CHP1: variants seen among roughly 807,000 people sequenced by gnomAD.
CHP1 encodes calcineurin like EF-hand protein 1.
CHP1 carries 11 observed loss-of-function variants against 27.4 expected under a neutral mutation model. That is an observed-to-expected ratio of 0.40 (90% CI 0.25 to 0.67). The LOEUF (loss-of-function observed/expected upper bound fraction) is 0.67. Among genes scored for constraint, CHP1 ranks in the 30% least tolerant of loss-of-function variants. The pLI is 0.38. For missense variants in CHP1, 169 were observed against 251.3 expected, an observed-to-expected ratio of 0.67 and a Z score of 2.22; for synonymous variants, 89 against 87.4, an observed-to-expected ratio of 1.02 and a Z score of -0.10.
intron 4 of CHP1, 44 bp from the exon 5 acceptor site, chr15:41,270,513 A>G (rs1476480501): frequency 1.4e-6 from 2 of 1,467,784 alleles, no homozygotes; most frequent in Non-Finnish European, 1.9e-6. Context: ...AGAAGGGGCA[A>G]CACACTACAG....
chr15:41,257,361 T>C (rs995954860), intron 3 of CHP1, among the ~76,000 whole-genome samples: 1 of 152,112 alleles, frequency 6.6e-6, no homozygotes. Context: ...TTGTTAACAT[T>C]TTGCCTCATT....
chr15:41,234,376 A>G (rs559564262), intron 1 of CHP1: 1 of 152,318 alleles, frequency 6.6e-6, no homozygotes, highest in East Asian at 1.9e-4. Context: ...CTTTTCTTCT[A>G]TGAAGAATTT....
chr15:41,239,497 A>G (rs765448165), intron 1 of CHP1, among the ~76,000 whole-genome samples: 56 of 152,068 alleles, frequency 3.7e-4, no homozygotes, highest in South Asian at 6.2e-4. Flanking sequence ...TCCATCTCCC[A>G]GGATCAAGCG....
intron 1 of CHP1, among the ~76,000 whole-genome samples, chr15:41,241,144 C>T (rs997571455): frequency 2.6e-5 from 4 of 152,202 alleles, no homozygotes; most frequent in Non-Finnish European, 4.4e-5. Flanking sequence ...AGCCACTGCG[C>T]CCAGCCTGAA....
At chr15:41,250,090 T>TAA (rs77882380) in intron 2 of CHP1, among the ~76,000 whole-genome samples, 16 of 127,278 alleles carry the variant, frequency 1.3e-4, no homozygotes, top group African/African-American at 4.0e-4. Context: ...GGTGTTATGT[T>TAA]AAAAAAAAAA....
intron 1 of CHP1, among the ~76,000 whole-genome samples, chr15:41,238,954 C>T (rs2047292332): frequency 6.6e-6 from 1 of 152,152 alleles, no homozygotes; most frequent in East Asian, 1.9e-4. Context: ...AGGTTTTGGG[C>T]ACCTATCTGA....
intron 3 of CHP1, among the ~76,000 whole-genome samples, chr15:41,262,311 C>A (rs1328946537): frequency 6.6e-6 from 1 of 151,960 alleles, no homozygotes; most frequent in African/African-American, 2.4e-5. Context: ...TTTAAAATAT[C>A]CCTTGGTATA....
At chr15:41,264,073 C>CTATG in intron 4 of CHP1, 1 of 602,670 alleles carries the variant, frequency 1.7e-6, no homozygotes, top group Non-Finnish European at 2.7e-6. Context: ...ACTCTGCCAT[C>CTATG]CTCATAGTCT....
chr15:41,261,035 C>A (rs2047430053), intron 3 of CHP1, among the ~76,000 whole-genome samples: 1 of 152,046 alleles, frequency 6.6e-6, no homozygotes, highest in Non-Finnish European at 1.5e-5. Flanking sequence ...TAAGCGTGAG[C>A]CACCATGCCT....
intron 4 of CHP1, chr15:41,264,285 G>C (rs997330913): frequency 2.0e-5 from 20 of 1,017,378 alleles, no homozygotes; most frequent in Non-Finnish European, 2.2e-5. Context: ...AGGAGAGTGC[G>C]AGTGCCGAGG....
intron 2 of CHP1, among the ~76,000 whole-genome samples, chr15:41,251,521 G>A (rs2140930538): frequency 6.6e-6 from 1 of 152,296 alleles, no homozygotes; most frequent in South Asian, 2.1e-4. Context: ...TAGGAACCGG[G>A]CTACACAGCA....
Position 41,256,662 on chromosome 15 carries a change from TA to T in CHP1, c.141-246del. 4 of 504,850 alleles carry T rather than the reference TA, an allele frequency of 7.9e-6. No homozygotes were observed. The East Asian group carries it at 1.5e-4, about 19-fold the overall frequency. 31.3% of individuals were successfully genotyped at this position (504,850 alleles called of 1,614,324 possible). ...TTGTCCATCAGTTGGCTTATTGACGTAACCTGTGTGCTAAATTCACTGGAAT... is the reference window on the plus strand; with the variant it reads ...TTGTCCATCAGTTGGCTTATTGACGTACCTGTGTGCTAAATTCACTGGAAT... On this transcript the variant is annotated intron_variant, in intron 2 of 6. Transcript: ENST00000334660.
intron 5 of CHP1, among the ~76,000 whole-genome samples, chr15:41,275,957 C>T (rs370095413): frequency 1.3e-5 from 2 of 151,996 alleles, no homozygotes; most frequent in African/African-American, 4.8e-5. Flanking sequence ...AAGTAAATTA[C>T]AGGCCGGGCG....
At chr15:41,276,509 G>C (rs1175461878) in intron 5 of CHP1, among the ~76,000 whole-genome samples, 1 of 152,170 alleles carries the variant, frequency 6.6e-6, no homozygotes, top group African/African-American at 2.4e-5. Flanking sequence ...GTTTAAGGAA[G>C]CAATTTTCAA....
chr15:41,232,895 A>G (rs911198944), intron 1 of CHP1, among the ~76,000 whole-genome samples: 6 of 152,150 alleles, frequency 3.9e-5, no homozygotes, highest in East Asian at 1.9e-4. Context: ...TGGAGTTTTC[A>G]AGTTGGAAGG....
chr15:41,263,271 T>TA (rs1567009697), intron 4 of CHP1, among the ~76,000 whole-genome samples: 1 of 152,208 alleles, frequency 6.6e-6, no homozygotes, highest in Non-Finnish European at 1.5e-5. Flanking sequence ...GGCACTGTGT[T>TA]AAGTGCTAGC....
intron 3 of CHP1, among the ~76,000 whole-genome samples, chr15:41,259,088 G>A (rs2047418077): frequency 6.6e-6 from 1 of 152,142 alleles, no homozygotes; most frequent in African/African-American, 2.4e-5. Context: ...TGTTTCAGGT[G>A]TGGTTTTTAT....
chr15:41,250,921 C>A (rs988246556), intron 2 of CHP1, among the ~76,000 whole-genome samples: 1 of 151,790 alleles, frequency 6.6e-6, no homozygotes, highest in African/African-American at 2.4e-5. Context: ...CCAAGTTCAC[C>A]GCTTCCGGGT....
intron 1 of CHP1, among the ~76,000 whole-genome samples, chr15:41,237,894 G>C (rs1383707585): frequency 6.6e-6 from 1 of 152,042 alleles, no homozygotes; most frequent in Admixed American, 6.6e-5. Flanking sequence ...ATTTTTAGTA[G>C]AGATGGGGTT....
Sources: gnomAD v4.1 joint callset for allele counts (sites outside exome capture counted in the v4.1 genomes callset) on GRCh38, gnomAD v4.1.1 for gene constraint, MANE v1.5 for transcripts, NCBI Gene and HGNC (gene_info 2026-07-23, HGNC 2026-07-21) for gene names.